The following EPB41L2 variants were observed in gnomAD, a reference collection of about 807,000 sequenced individuals.
EPB41L2 encodes the protein erythrocyte membrane protein band 4.1 like 2.
Under a neutral mutation model 113.0 loss-of-function variants are expected in EPB41L2, and 43 were observed. That is an observed-to-expected ratio of 0.38 (90% confidence interval 0.30 to 0.49). The LOEUF is 0.49. Among genes scored for constraint, EPB41L2 ranks in the 20% least tolerant of loss-of-function variants. The pLI, the probability that EPB41L2 is intolerant of heterozygous loss-of-function variation, is 0.95. For synonymous variants in EPB41L2, 442 were observed against 436.7 expected (o/e 1.01, Z -0.15); for missense variants, 1,147 against 1,223.4 (o/e 0.94, Z 0.93).
chr6:131,049,926 T>G (rs1796199128), intron 1 of EPB41L2, among the ~76,000 whole-genome samples: 1 of 152,226 alleles, frequency 6.6e-6, no homozygotes, highest in Non-Finnish European at 1.5e-5. Context: ...GGAACAACTC[T>G]GGACACAAGA....
chr6:130,850,894 G>C (rs996947853), intron 19 of EPB41L2, among the ~76,000 whole-genome samples: 14 of 152,126 alleles, frequency 9.2e-5, no homozygotes, highest in African/African-American at 3.1e-4. Context: ...GATAACACCT[G>C]GTAGATTTAG....
chr6:130,862,349 T>C (rs1380674023), intron 18 of EPB41L2, among the ~76,000 whole-genome samples: 1 of 152,176 alleles, frequency 6.6e-6, no homozygotes, highest in Non-Finnish European at 1.5e-5. Context: ...GTTTGCACTT[T>C]CCACCATGCC....
intron 1 of EPB41L2, chr6:130,978,942 A>G (rs932314272): frequency 6.6e-6 from 1 of 152,252 alleles, no homozygotes; most frequent in African/African-American, 2.4e-5. Context: ...CCGTGGGAAC[A>G]GTAAGTGAAG....
In EPB41L2 at chr6:130,840,464, A is replaced by G. The variant is rs368420380; in HGVS notation, c.*140T>C. Reference sequence around the variant, plus strand: ...AGGAAAGGTTTGGTGTTGGCATTTTAATTCTTCAGGCTTCTGGTCATTGTT... The same window carrying G: ...AGGAAAGGTTTGGTGTTGGCATTTTGATTCTTCAGGCTTCTGGTCATTGTT... On this transcript the variant is annotated 3_prime_UTR_variant, in exon 20 of 20. Coordinates refer to ENST00000337057, the MANE Select transcript of EPB41L2 (RefSeq NM_001431.4). 12 of 152,306 alleles carry G rather than the reference A, an allele frequency of 7.9e-5. No homozygotes were observed. In the East Asian group the frequency reaches 2.1e-3, roughly 27 times the overall value. 9.4% of individuals were successfully genotyped at this position (152,306 alleles called of 1,614,324 possible). A position where few individuals can be genotyped will look rare whatever the true frequency, so the allele number is the denominator to read the frequency against.
At chr6:131,019,167 C>T (rs1788908655) in intron 1 of EPB41L2, among the ~76,000 whole-genome samples, 1 of 152,124 alleles carries the variant, frequency 6.6e-6, no homozygotes, top group Admixed American at 6.5e-5. Flanking sequence ...TCCATTTATC[C>T]AGCCCTTCTT....
At chr6:130,867,968 A>ACTCT (rs1285292487) in intron 15 of EPB41L2, 5 of 132,818 alleles carry the variant, frequency 3.8e-5, no homozygotes, top group African/African-American at 1.4e-4. Context: ...ACACACACAC[A>ACTCT]CACACTCTCT....
At chr6:130,872,349 G>A in intron 14 of EPB41L2, 2 of 1,275,254 alleles carry the variant, frequency 1.6e-6, no homozygotes, top group Non-Finnish European at 2.0e-6. Flanking sequence ...TTTAGTAACA[G>A]GGGAAACAAA....
At chr6:130,896,447 C>T (rs569460968) in intron 8 of EPB41L2, among the ~76,000 whole-genome samples, 2 of 152,154 alleles carry the variant, frequency 1.3e-5, no homozygotes, top group Non-Finnish European at 2.9e-5. Context: ...CCATGGCCAC[C>T]GGGAGCAAGG....
chr6:131,053,712 C>T (rs751241973), intron 1 of EPB41L2, among the ~76,000 whole-genome samples: 2 of 152,234 alleles, frequency 1.3e-5, no homozygotes, highest in Non-Finnish European at 2.9e-5. Flanking sequence ...GTGGCATACA[C>T]AGTTTGTCAG....
In EPB41L2 at chr6:130,955,138, G is replaced by A. The variant is rs1562579195; in HGVS notation, c.672C>T (p.Leu224=). The A allele has an allele frequency of 2.5e-6, 4 of 1,614,148 alleles. No homozygotes were observed. The highest frequency in any genetic ancestry group is 1.7e-5 in the Admixed American group (1 of 60,014). Reference sequence around the variant, plus strand: ...CACAGCTGTATTCGGTGCCATCTAAGAGGGTCACTTTACACTGGACAGTTT... The same window carrying A: ...CACAGCTGTATTCGGTGCCATCTAAAAGGGTCACTTTACACTGGACAGTTT... ...KTKTVQCKVT[L]LDGTEYSCDL... Residue 224 remains leucine (L), a synonymous_variant, in exon 3 of 20, where the codon CTC becomes CTT. Coordinates refer to ENST00000337057, the MANE Select transcript of EPB41L2 (RefSeq NM_001431.4).
chr6:130,947,449 T>A (rs1813326868), intron 3 of EPB41L2, among the ~76,000 whole-genome samples: 1 of 152,148 alleles, frequency 6.6e-6, no homozygotes, highest in Non-Finnish European at 1.5e-5. Context: ...AGAAATACAA[T>A]ATTTGCTGAG....
intron 1 of EPB41L2, among the ~76,000 whole-genome samples, chr6:131,020,803 GTTAAGAGACAGAGTC>G (rs2128738394): frequency 6.8e-6 from 1 of 146,700 alleles, no homozygotes; most frequent in African/African-American, 2.4e-5. Context: ...ATTTTTTGTT[GTTAAGAGACAGAGTC>G]TTGTTCTGTC....
rs548908671 is a variant in EPB41L2, at chr6:130,909,005, T to C, written c.811-142A>G. ...CAACTTGCACCTATCAGCATTCCAC[T>C]GGGCTAAGTATTGCTTTGTCCTTGG... On this transcript the variant is annotated intron_variant, in intron 4 of 19. Coordinates refer to ENST00000337057, the MANE Select transcript of EPB41L2 (RefSeq NM_001431.4). 1.3e-5 allele frequency: 8 copies of C among 606,950 alleles called. No individual in the cohort carries two copies. In the East Asian group the frequency reaches 2.3e-4, roughly 17 times the overall value. The allele number at this position is 606,950 out of a possible 1,614,324, so 37.6% of individuals were successfully genotyped here.
At chr6:130,899,327 C>T (rs1795615367) in intron 8 of EPB41L2, among the ~76,000 whole-genome samples, 164 bp downstream of exon 8, 1 of 151,730 alleles carries the variant, frequency 6.6e-6, no homozygotes. Context: ...CCTCCCACAA[C>T]CAAACACCCC....
rs979841947 is a variant in EPB41L2, at chr6:131,027,615, C to T, written c.-15+35540G>A. The stretch of plus-strand genomic sequence containing the variant: ...ATTAATAGTGGCACCAGGAGCCAAC[C>T]GTCATAGCAATAGGGCTGGCATCAT... On this transcript the variant is annotated intron_variant, in intron 1 of 19. Coordinates refer to ENST00000337057, the MANE Select transcript of EPB41L2 (RefSeq NM_001431.4). 3.9e-5 allele frequency among the ~76,000 whole-genome samples: 6 copies of T among 152,160 alleles called. No homozygotes were observed. In the South Asian group the frequency reaches 8.3e-4, roughly 21 times the overall value.
intron 1 of EPB41L2, among the ~76,000 whole-genome samples, chr6:131,031,893 C>A (rs914360738): frequency 3.3e-5 from 5 of 152,120 alleles, no homozygotes; most frequent in African/African-American, 1.2e-4. Flanking sequence ...TCTTTAAATG[C>A]CATGAAACTC....
intron 1 of EPB41L2, among the ~76,000 whole-genome samples, chr6:131,055,556 A>G (rs1297377173): frequency 6.6e-6 from 1 of 152,224 alleles, no homozygotes; most frequent in African/African-American, 2.4e-5. Flanking sequence ...TATAAAAGTT[A>G]GATACTGCAG....
intron 4 of EPB41L2, among the ~76,000 whole-genome samples, chr6:130,921,880 C>G (rs1004341601): frequency 2.0e-5 from 3 of 152,122 alleles, no homozygotes; most frequent in African/African-American, 7.2e-5. Context: ...ATCAACCTGA[C>G]CAAAGGTTAA....
intron 4 of EPB41L2, among the ~76,000 whole-genome samples, chr6:130,925,949 C>T (rs1257752478): frequency 1.8e-4 from 27 of 152,170 alleles, no homozygotes; most frequent in Admixed American, 1.8e-3. Context: ...ATATAATTAT[C>T]ACTCTTATTA....
Sources: gnomAD v4.1 joint callset for allele counts (sites outside exome capture counted in the v4.1 genomes callset) on GRCh38, gnomAD v4.1.1 for gene constraint, MANE v1.5 for transcripts, NCBI Gene and HGNC (gene_info 2026-07-23, HGNC 2026-07-21) for gene names.